The following FGF13 variants were observed in gnomAD, a reference collection of about 807,000 sequenced individuals.
The protein encoded by FGF13 is fibroblast growth factor homologous factor 2.
In FGF13, 2 loss-of-function variants were observed where a neutral mutation model predicts 19.5. That is an observed-to-expected ratio of 0.10 (90% CI 0.04 to 0.32). The LOEUF is 0.32. Among genes scored for constraint, FGF13 ranks in the 10% least tolerant of loss-of-function variants. The pLI is 1.00. For synonymous variants in FGF13, 72 were observed against 76.9 expected, an observed-to-expected ratio of 0.94 and a Z score of 0.33; for missense variants, 113 against 192.7, an observed-to-expected ratio of 0.59 and a Z score of 2.45.
At chrX:138,736,913 T>G (rs764484723) in intron 1 of FGF13, among the ~76,000 whole-genome samples, 5 of 110,263 alleles carry the variant, frequency 4.5e-5, no homozygotes, top group Non-Finnish European at 9.5e-5. Flanking sequence ...AAGAAGTAAT[T>G]GTGGACAAGC....
chrX:138,899,954 G>A (rs1331941600), intron 1 of FGF13, among the ~76,000 whole-genome samples: 1 of 111,043 alleles, frequency 9.0e-6, no homozygotes, highest in Non-Finnish European at 1.9e-5. Flanking sequence ...ATATGTAAGT[G>A]TCTATGCGTG....
Position 138,676,574 on chromosome X carries a change from A to AG in FGF13, c.402+26409dup, listed in dbSNP as rs759016741. On this transcript the variant is annotated intron_variant, in intron 3 of 4. Transcript: ENST00000315930. The stretch of plus-strand genomic sequence containing the variant: ...AGTGGTCCCCAAGCTATTTGGCACC[A>AG]GGGACTGATTTCATGGGAGAAAATT... Among the ~76,000 whole-genome samples, 94 of 111,851 alleles carry AG rather than the reference A, an allele frequency of 8.4e-4. 2 individuals carry two copies. The highest frequency in any genetic ancestry group is 1.9e-3 in the South Asian group (5 of 2,659).
chrX:138,930,375 T>G (rs930400117), intron 1 of FGF13, among the ~76,000 whole-genome samples: 3 of 112,228 alleles, frequency 2.7e-5, no homozygotes, highest in Non-Finnish European at 5.6e-5. Flanking sequence ...TTGTAAGGTT[T>G]TATTTATTTT....
At chrX:138,758,621 G>A (rs2090446437) in intron 3 of FGF13, among the ~76,000 whole-genome samples, 2 of 111,244 alleles carry the variant, frequency 1.8e-5, no homozygotes, top group South Asian at 7.6e-4. Context: ...CATACCATGT[G>A]TCCCCTCCTT....
At chrX:138,980,522 T>C (rs1052049087) in intron 1 of FGF13, among the ~76,000 whole-genome samples, 1 of 111,961 alleles carries the variant, frequency 8.9e-6, no homozygotes, top group African/African-American at 3.2e-5. Context: ...AATTTTGCAT[T>C]AGTTGACACT....
intron 3 of FGF13, among the ~76,000 whole-genome samples, chrX:138,835,778 AGTG>A (rs753028279): frequency 1.7e-3 from 195 of 111,634 alleles, no homozygotes; most frequent in African/African-American, 6.3e-3. Flanking sequence ...GTGTTTTTGT[AGTG>A]GCTGGTAACA....
At chrX:139,006,124 C>A (rs1223829431) in intron 1 of FGF13, among the ~76,000 whole-genome samples, 1 of 111,032 alleles carries the variant, frequency 9.0e-6, no homozygotes, top group Non-Finnish European at 1.9e-5. Context: ...AAGACTATCT[C>A]AAGGCATTTA....
At chrX:139,194,975 G>A (rs1204065606) in intron 1 of FGF13, among the ~76,000 whole-genome samples, 1 of 112,005 alleles carries the variant, frequency 8.9e-6, no homozygotes, top group Non-Finnish European at 1.9e-5. Context: ...CCGCCGCCAG[G>A]AAGGCGCTTT....
chrX:138,967,803 G>A (rs1207701799), intron 1 of FGF13, among the ~76,000 whole-genome samples: 1 of 111,792 alleles, frequency 8.9e-6, no homozygotes, highest in Admixed American at 9.5e-5. Context: ...ATACAAGGCT[G>A]TACCTTGTGG....
chrX:138,745,238 G>T (rs2090346659), intron 3 of FGF13, among the ~76,000 whole-genome samples: 1 of 111,950 alleles, frequency 8.9e-6, no homozygotes, highest in African/African-American at 3.2e-5. Flanking sequence ...AGGAGTTAGG[G>T]GTATGTGTGT....
rs766532807 is a variant in FGF13, at chrX:139,182,791, T to A, written c.-113+20625A>T. Among the ~76,000 whole-genome samples, 4 of 112,143 alleles carry A rather than the reference T, an allele frequency of 3.6e-5. No homozygotes were observed. In the South Asian group the frequency reaches 1.1e-3, roughly 31 times the overall value. ...CAATATTCTACCAGTAAAGGCCTTCTAGGGAAAAGCAAGTCCATTCATTAA... is the reference window on the plus strand; with the variant it reads ...CAATATTCTACCAGTAAAGGCCTTCAAGGGAAAAGCAAGTCCATTCATTAA... On this transcript the variant is annotated intron_variant, in intron 1 of 2. Coordinates refer to the FGF13 transcript ENST00000421460.
At chrX:139,020,882 A>C (rs1422193081) in intron 1 of FGF13, among the ~76,000 whole-genome samples, 1 of 111,378 alleles carries the variant, frequency 9.0e-6, no homozygotes, top group Non-Finnish European at 1.9e-5. Context: ...AAAATGTTTA[A>C]GCTATAACGA....
At position 139,136,763 on chromosome X, in the gene FGF13, T is replaced by C. The variant is rs753137257; in HGVS notation, c.-113+66653A>G. On this transcript the variant is annotated intron_variant, in intron 1 of 2. Transcript: ENST00000421460. ...TCATTAGACTCAGTGCCAAGGGTTTTTGGAGAGAGTTGGTCATGTAGACAC... is the reference window on the plus strand; with the variant it reads ...TCATTAGACTCAGTGCCAAGGGTTTCTGGAGAGAGTTGGTCATGTAGACAC... Among the ~76,000 whole-genome samples, 180 of 111,886 alleles carry C rather than the reference T, an allele frequency of 1.6e-3. 1 individual carries two copies. Among genetic ancestry groups the C allele is most frequent in the African/African-American group, 5.2e-3 (160 of 30,770 alleles).
At chrX:139,111,673 T>C (rs1211647971) in intron 1 of FGF13, among the ~76,000 whole-genome samples, 1 of 111,753 alleles carries the variant, frequency 8.9e-6, no homozygotes, top group Non-Finnish European at 1.9e-5. Context: ...TATCTATTTC[T>C]AGAAAAAACA....
intron 1 of FGF13, among the ~76,000 whole-genome samples, chrX:139,078,812 C>A (rs777657079): frequency 1.8e-5 from 2 of 112,616 alleles, no homozygotes; most frequent in Admixed American, 9.4e-5. Context: ...TAAATATACC[C>A]GCTAACGTTT....
chrX:138,674,012 T>A (rs1282616778), intron 3 of FGF13, among the ~76,000 whole-genome samples: 2 of 110,421 alleles, frequency 1.8e-5, no homozygotes, highest in Admixed American at 9.7e-5. Flanking sequence ...CATTCAGGAT[T>A]TCAGGAGAAA....
chrX:139,160,754 G>A (rs1260256808), intron 1 of FGF13, among the ~76,000 whole-genome samples: 2 of 111,824 alleles, frequency 1.8e-5, no homozygotes, highest in Non-Finnish European at 3.8e-5. Flanking sequence ...AGAAGAAATG[G>A]TTAAATTCCT....
intron 1 of FGF13, among the ~76,000 whole-genome samples, chrX:138,870,928 G>A (rs767918770): frequency 8.9e-6 from 1 of 112,209 alleles, no homozygotes; most frequent in South Asian, 3.8e-4. Context: ...CAAGGAAACA[G>A]ATCCTGCCTA....
intron 3 of FGF13, among the ~76,000 whole-genome samples, chrX:138,651,686 T>C (rs748280708): frequency 1.4e-4 from 16 of 111,960 alleles, no homozygotes; most frequent in Non-Finnish European, 2.3e-4. Context: ...GTGTACTCAT[T>C]ATTTTCTTTG....
Sources: allele counts gnomAD v4.1 joint callset (sites outside exome capture counted in the v4.1 genomes callset), GRCh38; gene constraint gnomAD v4.1.1; transcripts MANE v1.5; gene names NCBI Gene and HGNC (gene_info 2026-07-23, HGNC 2026-07-21).